Variants in CEP250 observed in about 807,000 individuals in gnomAD.
CEP250 encodes centrosomal protein 250.
In CEP250, 242 loss-of-function variants were observed where a neutral mutation model predicts 315.7. That is an observed-to-expected ratio of 0.77 (90% CI 0.69 to 0.85). CEP250 has a LOEUF of 0.85. CEP250 is among the 40% of genes least tolerant of loss of function. The pLI, the probability that CEP250 is intolerant of heterozygous loss-of-function variation, is 0.00. For synonymous variants in CEP250, 1,088 were observed against 1,175.0 expected, an observed-to-expected ratio of 0.93 and a Z score of 1.51; for missense variants, 2,515 against 2,886.4, an observed-to-expected ratio of 0.87 and a Z score of 2.95.
rs925938629 is a variant in CEP250 at position 35,512,135 on chromosome 20, C to A, written c.*509C>A. On this transcript the variant is annotated 3_prime_UTR_variant, in exon 35 of 35. Transcript: ENST00000397527. Reference sequence around the variant, plus strand: ...GTTACAGAGAACACACAAGACAAAGCCCCTGTCCACAGACAGCCTACAGTC... The same window carrying A: ...GTTACAGAGAACACACAAGACAAAGACCCTGTCCACAGACAGCCTACAGTC... The A allele has an allele frequency of 1.4e-6, 1 of 701,998 alleles. No homozygotes were observed. The highest frequency in any genetic ancestry group is 1.8e-6 in the Non-Finnish European group (1 of 569,676). 43.5% of individuals were successfully genotyped at this position (701,998 alleles called of 1,614,324 possible).
chr20:35,497,017 G>A (rs1474246206), intron 25 of CEP250, among the ~76,000 whole-genome samples: 1 of 152,110 alleles, frequency 6.6e-6, no homozygotes, highest in African/African-American at 2.4e-5. Context: ...AAGTATGCTG[G>A]GTCTGGTTGG....
chr20:35,484,571 C>A (rs1416170480), intron 20 of CEP250, among the ~76,000 whole-genome samples: 7 of 151,876 alleles, frequency 4.6e-5, no homozygotes, highest in Non-Finnish European at 1.0e-4. Context: ...TTCTTTTTGC[C>A]TTTTCCCCCT....
rs1388482787 is a variant in CEP250 at position 35,498,646 on chromosome 20, T to C, written c.3707T>C (p.Leu1236Pro). The C allele has an allele frequency of 6.2e-7, 1 of 1,608,484 alleles. No individual in the cohort carries two copies. Among genetic ancestry groups the C allele is most frequent in the African/African-American group, 1.3e-5 (1 of 74,384 alleles). Residue 1236 changes from leucine to proline, a missense_variant, in exon 27 of 35, where the codon CTC becomes CCC. Physicochemically the swap from Leu to Pro is moderately conservative, Grantham distance 98. Transcript: ENST00000397527. ...LFKRGPLLTA[L>P]SAEAVASALH... ...AAGAGAGGGCCCCTGCTGACTGCTC[T>C]CTCCGCTGAGGCAGTAGCATCTGCC...
chr20:35,455,944 G>C (rs565256450), intron 1 of CEP250, among the ~76,000 whole-genome samples, 193 bp downstream of exon 1: 1 of 152,344 alleles, frequency 6.6e-6, no homozygotes, highest in African/African-American at 2.4e-5. Context: ...TGCCCAGGCT[G>C]GAGTGCAATG....
At chr20:35,477,360 G>T (rs1040216912) in intron 16 of CEP250, among the ~76,000 whole-genome samples, 2 of 152,024 alleles carry the variant, frequency 1.3e-5, no homozygotes, top group African/African-American at 4.8e-5. Flanking sequence ...TCACCATGTT[G>T]GCCAGGCTGA....
chr20:35,476,583 G>T lies in CEP250; in HGVS notation c.1851G>T (p.Gln617His). 6.2e-7 allele frequency: 1 copy of T among 1,612,772 alleles called. No homozygotes were observed. Among genetic ancestry groups the T allele is most frequent in the Non-Finnish European group, 8.5e-7 (1 of 1,178,802 alleles). The change falls in exon 16 of 35, where the codon CAG (glutamine) becomes CAT (histidine). Residue 617 changes from glutamine to histidine, a missense_variant. By Grantham distance (24) the Gln-to-His change is conservative. Coordinates refer to ENST00000397527, the MANE Select transcript of CEP250 (RefSeq NM_007186.6). ...ALALDKVGLN[Q>H]QLLQLEEENQ... ...CGTTAGATAAAGTTGGGCTGAACCA[G>T]CAGCTTCTCCAGGTGAGCAAAGATT...
chr20:35,472,020 C>A, intron 10 of CEP250, 30 bp from the exon 11 acceptor site: 1 of 1,312,872 alleles, frequency 7.6e-7, no homozygotes, highest in Non-Finnish European at 1.1e-6. Flanking sequence ...GAGAGTTTGG[C>A]TCTGAGGCTC....
chr20:35,473,088 G>A (rs1462024806), intron 12 of CEP250, among the ~76,000 whole-genome samples: 1 of 152,070 alleles, frequency 6.6e-6, no homozygotes, highest in African/African-American at 2.4e-5. Context: ...GGGAACCAGA[G>A]CCCTGGGAGA....
At chr20:35,491,613 C>T (rs1601246761) in intron 22 of CEP250, among the ~76,000 whole-genome samples, 1 of 152,048 alleles carries the variant, frequency 6.6e-6, no homozygotes, top group East Asian at 1.9e-4. Context: ...ACTAAAAATA[C>T]AAAAATTAGC....
At chr20:35,458,670 C>G (rs2062685452) in intron 2 of CEP250, among the ~76,000 whole-genome samples, 1 of 152,144 alleles carries the variant, frequency 6.6e-6, no homozygotes, top group African/African-American at 2.4e-5. Context: ...CAGATCTGAT[C>G]TGGCAGTGTG....
At chr20:35,498,149 G>A (rs909676929) in intron 26 of CEP250, 82 bp downstream of exon 26, 50 of 1,032,954 alleles carry the variant, frequency 4.8e-5, no homozygotes, top group Non-Finnish European at 4.4e-5. Context: ...AATGCTATTT[G>A]TTAGACCATA....
chr20:35,508,251 T>C (rs1435741166), intron 32 of CEP250, 61 bp downstream of exon 32: 3 of 1,565,388 alleles, frequency 1.9e-6, no homozygotes, highest in African/African-American at 2.7e-5. Context: ...CCCTAGAGCA[T>C]AGGCTCAGTA....
chr20:35,468,932 C>T (rs2062958434), intron 9 of CEP250, among the ~76,000 whole-genome samples: 1 of 152,168 alleles, frequency 6.6e-6, no homozygotes, highest in South Asian at 2.1e-4. Context: ...CCACCTTGGC[C>T]TCCCAAAGTT....
intron 25 of CEP250, among the ~76,000 whole-genome samples, chr20:35,496,999 C>T (rs191842395): frequency 5.9e-5 from 9 of 152,260 alleles, no homozygotes; most frequent in Admixed American, 2.6e-4. Flanking sequence ...TCCAGCACAC[C>T]GGCTTCAAAG....
chr20:35,511,592 C>G lies in CEP250; in HGVS notation c.7295C>G (p.Pro2432Arg). ...TCCCCAGGGCCAGTCCTGCTACACC[C>G]CAGCCCCAGCACTACCCAAGCCGCC... ...LTSPGPVLLH[P>R]SPSTTQAASR Residue 2432 changes from proline to arginine, a missense_variant, in exon 35 of 35, where the codon CCC (proline) becomes CGC (arginine). By Grantham distance (103) the Pro-to-Arg change is moderately radical (BLOSUM62 -2). Transcript: ENST00000397527. The G allele has an allele frequency of 6.2e-7, 1 of 1,613,188 alleles. No homozygotes were observed. The highest frequency in any genetic ancestry group is 1.1e-5 in the South Asian group (1 of 91,024).
In CEP250 at chr20:35,507,903, A is replaced by C. The variant is rs757858729; in HGVS notation, c.6750+52A>C. ...GTGACCCAGCAGGGAGCTCCTGTCC[A>C]GGGGTTTGTCCCCTTCCCTTGGGAA... On this transcript the variant is annotated intron_variant, in intron 31 of 34. Transcript: ENST00000397527. 3 of 1,601,920 alleles carry C rather than the reference A, an allele frequency of 1.9e-6. No homozygotes were observed. In the Admixed American group the frequency reaches 5.1e-5, roughly 27 times the overall value.
In CEP250 at chr20:35,503,467, AC is replaced by A. The variant is rs747505394; in HGVS notation, c.5100del (p.Thr1701LeufsTer5). ...LSLRERGREL[T>X]TQRQLMQERA... ...CTTGAGAGAGCGAGGCCGGGAGCTG[AC>A]CACTCAGAGGCAGCTGATGCAGGAA... On this transcript the variant is annotated frameshift_variant, in exon 30 of 35. Coordinates refer to ENST00000397527, the MANE Select transcript of CEP250 (RefSeq NM_007186.6). LOFTEE classifies it high-confidence loss of function. The surrounding 1 kb of genome is among the most constrained non-coding windows in gnomAD (Gnocchi z 4.2). The A allele has an allele frequency of 6.2e-7, 1 of 1,614,124 alleles. No homozygotes were observed. Among genetic ancestry groups the A allele is most frequent in the Non-Finnish European group, 8.5e-7 (1 of 1,180,018 alleles).
At chr20:35,510,563 G>A (rs982476091) in intron 34 of CEP250, among the ~76,000 whole-genome samples, 3 of 152,220 alleles carry the variant, frequency 2.0e-5, no homozygotes, top group Non-Finnish European at 4.4e-5. Context: ...CTTTCAAGTT[G>A]CAGGAATCAT....
chr20:35,504,733 C>CTGG lies in CEP250; in HGVS notation c.6365_6367dup (p.Leu2122_Glu2123insVal), dbSNP rs764731140. 1.5e-5 allele frequency: 24 copies of CTGG among 1,614,220 alleles called. 1 individual carries two copies. In the South Asian group the frequency reaches 2.5e-4, roughly 17 times the overall value. On this transcript the variant is annotated inframe_insertion, in exon 30 of 35. Transcript: ENST00000397527. ...GAGGGAGACCCAGCAAAGGAACAAC[C>CTGG]TGGAAGCCTTACCCCACAGCCACAA...
Sources: gnomAD v4.1 joint callset for allele counts (sites outside exome capture counted in the v4.1 genomes callset) on GRCh38, gnomAD v4.1.1 for gene constraint, Gnocchi (gnomAD v3.1) non-coding constraint, MANE v1.5 for transcripts, NCBI Gene and HGNC (gene_info 2026-07-23, HGNC 2026-07-21) for gene names.